RNF125: variants seen among roughly 807,000 people sequenced by gnomAD.
RNF125 encodes the protein E3 ubiquitin-protein ligase RNF125.
RNF125 carries 21 observed loss-of-function variants against 26.0 expected under a neutral mutation model. The observed-to-expected ratio is 0.81, with a 90% confidence interval of 0.57 to 1.16. The LOEUF (loss-of-function observed/expected upper bound fraction) is 1.16, where lower values mean the gene tolerates loss of function less well. RNF125 is among the 50% of genes most tolerant of loss of function. The pLI is 0.00. For missense variants in RNF125, 270 were observed against 299.4 expected (o/e 0.90, Z 0.72); for synonymous variants, 95 against 109.2 (o/e 0.87, Z 0.81).
downstream of RNF125, chr18:32,075,885 C>G: frequency 9.6e-7 from 1 of 1,040,520 alleles, no homozygotes. Flanking sequence ...TATTACATCT[C>G]TAGAAAAGAA....
intron 5 of RNF125, among the ~76,000 whole-genome samples, chr18:32,068,095 T>TA (rs2039500573): frequency 6.6e-6 from 1 of 152,178 alleles, no homozygotes; most frequent in Non-Finnish European, 1.5e-5. Context: ...AGTAACTAGT[T>TA]AATCGATAGA....
At chr18:32,078,870 G>A in the RNF125 span, among the ~76,000 whole-genome samples, 1 of 152,010 alleles carries the variant, frequency 6.6e-6, no homozygotes, top group Admixed American at 6.5e-5. Context: ...CTGTGATTTT[G>A]CACACTTTTT....
At chr18:32,047,989 A>C (rs1159572299) in intron 4 of RNF125, among the ~76,000 whole-genome samples, 1 of 152,046 alleles carries the variant, frequency 6.6e-6, no homozygotes, top group African/African-American at 2.4e-5. Flanking sequence ...TTAGCAAGGC[A>C]TGGTGGCATG....
chr18:32,048,257 C>CAAAAAAA (rs56147477), intron 4 of RNF125, among the ~76,000 whole-genome samples: 1 of 117,790 alleles, frequency 8.5e-6, no homozygotes, highest in Non-Finnish European at 1.8e-5. Context: ...ACTAAAAATA[C>CAAAAAAA]AAAAAAAAAA....
In RNF125 at chr18:32,044,003, T is replaced by TCTTTC. The variant is rs762403759; in HGVS notation, c.414-1635_414-1634insCCTTT. On this transcript the variant is annotated intron_variant, in intron 3 of 5. Transcript: ENST00000217740. ...TAGAAATATAATGGGTTTTTTTTTT[T>TCTTTC]CTTTTCTTTTCTTTTCTTTTTGAGA... Among the ~76,000 whole-genome samples the TCTTTC allele has an allele frequency of 6.4e-3, 964 of 151,698 alleles. 13 individuals are homozygous for TCTTTC. Among genetic ancestry groups the TCTTTC allele is most frequent in the African/African-American group, 0.022 (916 of 41,276 alleles).
chr18:32,053,612 C>A (rs1451761713), intron 4 of RNF125, among the ~76,000 whole-genome samples: 2 of 150,836 alleles, frequency 1.3e-5, no homozygotes, highest in African/African-American at 5.0e-5. Flanking sequence ...ATGGTGAAAT[C>A]CCATCTCTAG....
At chr18:32,059,773 C>A (rs2039418062) in intron 4 of RNF125, among the ~76,000 whole-genome samples, 1 of 151,122 alleles carries the variant, frequency 6.6e-6, no homozygotes, top group South Asian at 2.1e-4. Flanking sequence ...AGTTTTTAAT[C>A]CATTTTGATT....
Position 32,064,396 on chromosome 18 carries a change from CTTT to C in RNF125, c.505-1485_505-1483del, listed in dbSNP as rs775086863. ...AATCTGGTGAAATCTTTTTCTTTTT[CTTT>C]TTTTTTTTTTTTTTTTTTTTGAGAC... On this transcript the variant is annotated intron_variant, in intron 4 of 5. Transcript: ENST00000217740. 1.7e-3 allele frequency among the ~76,000 whole-genome samples: 148 copies of C among 86,838 alleles called. 1 individual carries two copies. Among genetic ancestry groups the C allele is most frequent in the Middle Eastern group, 0.018 (2 of 112 alleles). The allele number at this position is 86,838 out of a possible 152,430, so 57.0% of individuals were successfully genotyped here.
chr18:32,055,362 T>C (rs1461346660), intron 4 of RNF125, among the ~76,000 whole-genome samples: 1 of 151,566 alleles, frequency 6.6e-6, no homozygotes, highest in Admixed American at 6.6e-5. Context: ...TGTTCCAACA[T>C]CTTGCTCCCG....
At position 32,069,761 on chromosome 18, in the gene RNF125, C is replaced by CT. The variant is rs1161175533; in HGVS notation, c.*1383dup. 1 of 152,114 alleles carries CT rather than the reference C, an allele frequency of 6.6e-6. No homozygotes were observed. The highest frequency in any genetic ancestry group is 1.5e-5 in the Non-Finnish European group (1 of 68,020). The allele number at this position is 152,114 out of a possible 1,614,324, so 9.4% of individuals were successfully genotyped here. ...TAAATGTATATTTTATTTTACATCT[C>CT]TTTTTTAATCTAGAAGTTCCTCCTT... On this transcript the variant is annotated 3_prime_UTR_variant, in exon 6 of 6. Transcript: ENST00000217740.
intron 4 of RNF125, among the ~76,000 whole-genome samples, chr18:32,048,767 G>A (rs1459149965): frequency 6.6e-6 from 1 of 152,178 alleles, no homozygotes; most frequent in Admixed American, 6.5e-5. Flanking sequence ...TGAGGGAGCA[G>A]AGCCGATGGT....
intron 4 of RNF125, among the ~76,000 whole-genome samples, chr18:32,061,795 G>T (rs143203349): frequency 6.6e-6 from 1 of 152,200 alleles, no homozygotes; most frequent in African/African-American, 2.4e-5. Context: ...ACTATTGAAA[G>T]TATCTGCTTA....
chr18:32,064,305 T>C (rs1402628922), intron 4 of RNF125, among the ~76,000 whole-genome samples: 1 of 151,694 alleles, frequency 6.6e-6, no homozygotes. Flanking sequence ...AACATGAGAT[T>C]TGGGCGGGGA....
chr18:32,047,440 T>A (rs2039283341), intron 4 of RNF125, among the ~76,000 whole-genome samples: 1 of 152,218 alleles, frequency 6.6e-6, no homozygotes, highest in African/African-American at 2.4e-5. Context: ...CATTATTATT[T>A]CTGCAATTAA....
chr18:32,086,515 C>A, the RNF125 span, among the ~76,000 whole-genome samples: 2 of 151,556 alleles, frequency 1.3e-5, no homozygotes, highest in South Asian at 4.2e-4. Context: ...CCACACCATG[C>A]TAATTTCTAA....
Position 32,057,497 on chromosome 18 carries a change from G to A in RNF125, c.505-8405G>A, listed in dbSNP as rs1039643563. ...TTATAGGGGCATGCCTCCACACCTG[G>A]CTAATTTTTATATTTTTAGTAGAGA... On this transcript the variant is annotated intron_variant, in intron 4 of 5. Transcript: ENST00000217740. 3.3e-5 allele frequency among the ~76,000 whole-genome samples: 5 copies of A among 151,838 alleles called. No homozygotes were observed. In the East Asian group the frequency reaches 9.7e-4, roughly 29 times the overall value.
chr18:32,082,673 A>T, the RNF125 span, among the ~76,000 whole-genome samples: 1 of 152,200 alleles, frequency 6.6e-6, no homozygotes, highest in Non-Finnish European at 1.5e-5. Context: ...AGCCCTGCTG[A>T]CCTGACATTT....
the RNF125 span, among the ~76,000 whole-genome samples, chr18:32,084,439 T>C: frequency 6.6e-6 from 1 of 152,214 alleles, no homozygotes; most frequent in Admixed American, 6.5e-5. Context: ...AATCTATTCA[T>C]CATTACTGGT....
chr18:32,038,038 G>A (rs62093940), intron 2 of RNF125, among the ~76,000 whole-genome samples: 32,154 of 146,836 alleles, frequency 0.22, 3,911 homozygotes, highest in African/African-American at 0.32. Context: ...CTTTGGGTCC[G>A]TGCCATTTTT....
Sources: allele counts gnomAD v4.1 joint callset (sites outside exome capture counted in the v4.1 genomes callset), GRCh38; gene constraint gnomAD v4.1.1; transcripts MANE v1.5; gene names NCBI Gene and HGNC (gene_info 2026-07-23, HGNC 2026-07-21).